XKR4: variants seen among roughly 807,000 people sequenced by gnomAD.
XKR4 encodes XK-related protein 4.
XKR4 carries 12 observed loss-of-function variants against 53.9 expected under a neutral mutation model. That is an observed-to-expected ratio of 0.22 (90% confidence interval 0.14 to 0.36). XKR4 has a LOEUF of 0.36. Ranked by LOEUF, XKR4 falls within the 10% of genes least tolerant of loss-of-function variation. The probability of loss-of-function intolerance (pLI) is 1.00; values close to 1 mark genes in which losing one functional copy is unlikely to be tolerated. For missense variants in XKR4, 799 were observed against 859.5 expected (o/e 0.93, Z 0.88); for synonymous variants, 354 against 362.4 (o/e 0.98, Z 0.26).
intron 2 of XKR4, among the ~76,000 whole-genome samples, chr8:55,422,637 C>T (rs770204360): frequency 1.3e-5 from 2 of 152,140 alleles, no homozygotes; most frequent in Non-Finnish European, 2.9e-5. Flanking sequence ...GCTGGAATCA[C>T]GTGAAAGGTG....
intron 2 of XKR4, among the ~76,000 whole-genome samples, chr8:55,363,648 G>A (rs981519827): frequency 6.6e-6 from 1 of 152,152 alleles, no homozygotes; most frequent in Admixed American, 6.5e-5. Context: ...GCATTTAAAT[G>A]ACCTGGGTTA....
chr8:55,474,305 T>C (rs1805943079), intron 2 of XKR4, among the ~76,000 whole-genome samples: 1 of 152,122 alleles, frequency 6.6e-6, no homozygotes, highest in African/African-American at 2.4e-5. Context: ...TTGGGCTGAA[T>C]TGAATTTTTA....
intron 1 of XKR4, among the ~76,000 whole-genome samples, chr8:55,198,673 A>C (rs1817535336): frequency 6.6e-6 from 1 of 152,152 alleles, no homozygotes; most frequent in Non-Finnish European, 1.5e-5. Context: ...ATATCTTAGA[A>C]AATGTTAGAA....
chr8:55,192,334 C>CATTT (rs1400129094), intron 1 of XKR4, among the ~76,000 whole-genome samples: 1 of 151,490 alleles, frequency 6.6e-6, no homozygotes, highest in Non-Finnish European at 1.5e-5. Context: ...TATTTTCCCC[C>CATTT]TCAAATATTA....
intron 1 of XKR4, among the ~76,000 whole-genome samples, chr8:55,179,891 TTTC>T (rs1817283809): frequency 6.6e-6 from 1 of 152,210 alleles, no homozygotes; most frequent in African/African-American, 2.4e-5. Context: ...ATAATCATAT[TTTC>T]TTTTCAATGA....
At chr8:55,157,891 G>A (rs1053867679) in intron 1 of XKR4, among the ~76,000 whole-genome samples, 4 of 152,146 alleles carry the variant, frequency 2.6e-5, no homozygotes, top group African/African-American at 2.4e-5. Flanking sequence ...ATTCCATGGT[G>A]TCTATGTACA....
At chr8:55,373,129 C>G (rs1804092640) in intron 2 of XKR4, among the ~76,000 whole-genome samples, 1 of 152,156 alleles carries the variant, frequency 6.6e-6, no homozygotes, top group Non-Finnish European at 1.5e-5. Flanking sequence ...GAAAAAGTCT[C>G]AGAGACTACA....
intron 1 of XKR4, among the ~76,000 whole-genome samples, chr8:55,306,406 G>T (rs1346008408): frequency 6.6e-6 from 1 of 152,192 alleles, no homozygotes; most frequent in Non-Finnish European, 1.5e-5. Context: ...ATGGTGATTT[G>T]TCCATTTTCA....
chr8:55,118,483 C>T (rs1816340498), intron 1 of XKR4, among the ~76,000 whole-genome samples: 1 of 152,182 alleles, frequency 6.6e-6, no homozygotes, highest in South Asian at 2.1e-4. Context: ...ATGTGACATA[C>T]TTCAAACTGA....
In XKR4 at chr8:55,202,132, C is replaced by T. The variant is rs147686431; in HGVS notation, c.806+98838C>T. Among the ~76,000 whole-genome samples, 258 of 152,280 alleles carry T rather than the reference C, an allele frequency of 1.7e-3. 1 individual carries two copies. The highest frequency in any genetic ancestry group is 5.7e-3 in the African/African-American group (238 of 41,538). On this transcript the variant is annotated intron_variant, in intron 1 of 2. Coordinates refer to ENST00000327381, the MANE Select transcript of XKR4 (RefSeq NM_052898.2). ...GCTCAGATTCTAATAAGGACAAAAT[C>T]CTAACAAGGAAGTTGGCTCCAAATT...
chr8:55,216,954 T>C (rs568126361), intron 1 of XKR4, among the ~76,000 whole-genome samples: 1 of 152,074 alleles, frequency 6.6e-6, no homozygotes, highest in Admixed American at 6.5e-5. Flanking sequence ...AAGACATGGA[T>C]AGTCCTTGCC....
At chr8:55,221,755 G>A (rs558421380) in intron 1 of XKR4, among the ~76,000 whole-genome samples, 8 of 152,232 alleles carry the variant, frequency 5.3e-5, no homozygotes, top group South Asian at 2.1e-4. Context: ...GGACTCGCTC[G>A]CTGTCTTACA....
intron 2 of XKR4, among the ~76,000 whole-genome samples, chr8:55,435,270 T>C (rs1407182193): frequency 1.3e-5 from 2 of 152,166 alleles, no homozygotes; most frequent in African/African-American, 4.8e-5. Context: ...TCGTTGCTCC[T>C]TATTACCCAT....
At chr8:55,358,256 G>T (rs1427570185) in intron 2 of XKR4, among the ~76,000 whole-genome samples, 1 of 152,054 alleles carries the variant, frequency 6.6e-6, no homozygotes, top group Non-Finnish European at 1.5e-5. Context: ...ATGTGTGTAT[G>T]CATGTATGTG....
chr8:55,357,324 T>C (rs1803833263), intron 1 of XKR4, among the ~76,000 whole-genome samples: 1 of 152,226 alleles, frequency 6.6e-6, no homozygotes, highest in African/African-American at 2.4e-5. Flanking sequence ...AATCCCCTCA[T>C]GAACACCGTT....
intron 1 of XKR4, among the ~76,000 whole-genome samples, chr8:55,163,937 A>G (rs1234998803): frequency 6.6e-6 from 1 of 152,260 alleles, no homozygotes; most frequent in African/African-American, 2.4e-5. Context: ...TCTTTAAACT[A>G]GAATGGGAAA....
intron 1 of XKR4, among the ~76,000 whole-genome samples, chr8:55,356,960 A>G (rs1803803970): frequency 6.6e-6 from 1 of 152,190 alleles, no homozygotes; most frequent in African/African-American, 2.4e-5. Flanking sequence ...TATGATTTTA[A>G]TATTTTCTTT....
At chr8:55,424,486 A>G (rs1214421077) in intron 2 of XKR4, among the ~76,000 whole-genome samples, 2 of 152,218 alleles carry the variant, frequency 1.3e-5, no homozygotes, top group African/African-American at 4.8e-5. Flanking sequence ...GAACCTTTCC[A>G]GGGTCTGCTT....
At chr8:55,158,654 C>A (rs1816940943) in intron 1 of XKR4, among the ~76,000 whole-genome samples, 1 of 152,186 alleles carries the variant, frequency 6.6e-6, no homozygotes, top group South Asian at 2.1e-4. Flanking sequence ...AGTTTTTAAT[C>A]CACCTTGAGG....
Sources: gnomAD v4.1 joint callset for allele counts (sites outside exome capture counted in the v4.1 genomes callset) on GRCh38, gnomAD v4.1.1 for gene constraint, MANE v1.5 for transcripts, NCBI Gene and HGNC (gene_info 2026-07-23, HGNC 2026-07-21) for gene names.